Variants in SP100 observed in about 807,000 individuals in gnomAD.
SP100 encodes SP100 nuclear body protein.
SP100 carries 84 observed loss-of-function variants against 130.0 expected under a neutral mutation model. The ratio of observed to expected loss-of-function variants is 0.65; its 90% confidence interval spans 0.54 to 0.77. SP100 has a LOEUF of 0.77. SP100 is among the 30% of genes least tolerant of loss of function. The pLI is 0.00. For missense variants in SP100, 978 were observed against 1,052.2 expected (o/e 0.93, Z 0.97); for synonymous variants, 331 against 351.7 (o/e 0.94, Z 0.66).
Position 230,469,104 on chromosome 2 carries a change from C to T in SP100, c.1345+8C>T. ...TACCCAGCAGGAAGAGACGTAAGAG[C>T]AATTAAAAACTCTTGATGTAACAAA... On this transcript the variant is annotated splice_region_variant and intron_variant, in intron 14 of 28. Transcript: ENST00000340126. The T allele has an allele frequency of 6.4e-7, 1 of 1,558,738 alleles. No homozygotes were observed. Among genetic ancestry groups the T allele is most frequent in the Non-Finnish European group, 8.8e-7 (1 of 1,133,092 alleles).
At chr2:230,517,017 A>G (rs1031363352) in intron 24 of SP100, among the ~76,000 whole-genome samples, 2 of 152,202 alleles carry the variant, frequency 1.3e-5, no homozygotes, top group Non-Finnish European at 1.5e-5. Flanking sequence ...TTATAAATTT[A>G]TATAATTTGG....
chr2:230,465,691 G>A lies in SP100; in HGVS notation c.1142-610G>A, dbSNP rs190600584. ...AATCATCTGTACAACAAACTCCTGT[G>A]ACACACATTTACCCATGTGACAAAC... On this transcript the variant is annotated intron_variant, in intron 11 of 28. Transcript: ENST00000340126. Among the ~76,000 whole-genome samples the A allele has an allele frequency of 2.9e-3, 436 of 152,168 alleles. 8 individuals carry two copies. Among genetic ancestry groups the A allele is most frequent in the Admixed American group, 0.024 (373 of 15,286 alleles).
At chr2:230,493,499 G>A (rs1321253711) in intron 17 of SP100, among the ~76,000 whole-genome samples, 2 of 152,194 alleles carry the variant, frequency 1.3e-5, no homozygotes, top group Admixed American at 6.5e-5. Flanking sequence ...TTACAGGGGT[G>A]AGCCACTGCA....
At chr2:230,475,751 G>A (rs1037908570) in intron 17 of SP100, among the ~76,000 whole-genome samples, 2 of 151,950 alleles carry the variant, frequency 1.3e-5, no homozygotes, top group South Asian at 2.1e-4. Flanking sequence ...GTTTTTCTTC[G>A]TATGTCTAGC....
intron 24 of SP100, among the ~76,000 whole-genome samples, chr2:230,529,557 T>A (rs1691599539): frequency 6.6e-6 from 1 of 152,130 alleles, no homozygotes; most frequent in African/African-American, 2.4e-5. Context: ...TTATTCAACA[T>A]AGTGTTGGAA....
intron 17 of SP100, among the ~76,000 whole-genome samples, chr2:230,490,705 T>A (rs1383932106): frequency 6.6e-6 from 1 of 152,166 alleles, no homozygotes; most frequent in Non-Finnish European, 1.5e-5. Flanking sequence ...TCCCTCAGCA[T>A]TTGCTTGTCT....
At chr2:230,426,526 A>AGTAT (rs2062937981) in intron 2 of SP100, among the ~76,000 whole-genome samples, 1 of 151,532 alleles carries the variant, frequency 6.6e-6, no homozygotes, top group Non-Finnish European at 1.5e-5. Context: ...ATGTCCTTAC[A>AGTAT]TTATATATTC....
chr2:230,441,693 T>C (rs2063474703), intron 2 of SP100, among the ~76,000 whole-genome samples: 1 of 152,158 alleles, frequency 6.6e-6, no homozygotes, highest in Non-Finnish European at 1.5e-5. Flanking sequence ...ATGGAAAAAA[T>C]GACAGCAGTG....
At chr2:230,495,359 G>C (rs754560671) in intron 18 of SP100, among the ~76,000 whole-genome samples, 1 of 151,870 alleles carries the variant, frequency 6.6e-6, no homozygotes, top group Non-Finnish European at 1.5e-5. Context: ...GTCTGGCTCT[G>C]TCACCCAGGC....
intron 23 of SP100, 68 bp downstream of exon 23, chr2:230,508,099 T>G: frequency 6.3e-7 from 1 of 1,587,358 alleles, no homozygotes; most frequent in African/African-American, 1.4e-5. Context: ...CTCTGTGGAC[T>G]TACAGTCTTT....
At position 230,469,751 on chromosome 2, in the gene SP100, T is replaced by G. The variant is rs890558204; in HGVS notation, c.1346-264T>G. Reference sequence around the variant, plus strand: ...GAAACCACCCAATGAAATGGATGATTTATAATAAATACATATTTTTCCCAA... The same window carrying G: ...GAAACCACCCAATGAAATGGATGATGTATAATAAATACATATTTTTCCCAA... On this transcript the variant is annotated intron_variant, in intron 14 of 28. Transcript: ENST00000340126. The G allele has an allele frequency of 7.6e-6, 10 of 1,314,410 alleles. No homozygotes were observed. The African/African-American group carries it at 1.4e-4, about 18-fold the overall frequency. 81.4% of individuals were successfully genotyped at this position (1,314,410 alleles called of 1,614,324 possible). A position where few individuals can be genotyped will look rare whatever the true frequency, so the allele number is the denominator to read the frequency against.
chr2:230,506,221 G>A, intron 21 of SP100, 82 bp from the exon 22 acceptor site: 3 of 1,478,838 alleles, frequency 2.0e-6, no homozygotes, highest in Non-Finnish European at 1.9e-6. Context: ...CCCAAAGTGG[G>A]TGGCCCCAGA....
chr2:230,455,109 C>T (rs1346477513), intron 8 of SP100, among the ~76,000 whole-genome samples: 1 of 152,078 alleles, frequency 6.6e-6, no homozygotes, highest in East Asian at 1.9e-4. Flanking sequence ...GGGTCTTGCT[C>T]TGTCACCCAG....
Position 230,461,342 on chromosome 2 carries a change from C to G in SP100, c.901C>G (p.Pro301Ala), listed in dbSNP as rs755545681. ...ACTGGTGGATATAAAAAAGGAAAAG[C>G]CATTTTCTAATTCAAAAGTTGAGTG... ...VRLVDIKKEK[P>A]FSNSKVECQA... The change falls in exon 9 of 29, where the codon CCA becomes GCA. Residue 301 changes from proline to alanine, a missense_variant. Physicochemically the swap from Pro to Ala is conservative, Grantham distance 27. Transcript: ENST00000340126. 6.2e-7 allele frequency: 1 copy of G among 1,614,050 alleles called. No homozygotes were observed.
chr2:230,457,845 C>G (rs898638445), intron 8 of SP100, among the ~76,000 whole-genome samples: 2 of 152,128 alleles, frequency 1.3e-5, no homozygotes, highest in African/African-American at 4.8e-5. Context: ...CCCCAATTTT[C>G]TAATTATATC....
At chr2:230,511,605 C>T (rs6436944) in intron 24 of SP100, among the ~76,000 whole-genome samples, 128,031 of 152,134 alleles carry the variant, frequency 0.84, 54,229 homozygotes, top group Middle Eastern at 0.92. Context: ...AGGAACAGAC[C>T]GAGCCGAGCT....
At chr2:230,530,409 C>A (rs1051666270) in intron 24 of SP100, among the ~76,000 whole-genome samples, 59 of 152,298 alleles carry the variant, frequency 3.9e-4, no homozygotes, top group African/African-American at 1.3e-3. Flanking sequence ...ACCTTCCTTA[C>A]ACCTTACACA....
intron 2 of SP100, among the ~76,000 whole-genome samples, chr2:230,435,056 G>A (rs577232677): frequency 6.6e-6 from 1 of 152,296 alleles, no homozygotes; most frequent in South Asian, 2.1e-4. Context: ...TCAGTCTGTA[G>A]TATATCTTAA....
At chr2:230,449,907 C>T (rs1018450365) in intron 7 of SP100, among the ~76,000 whole-genome samples, 197 bp downstream of exon 7, 1 of 152,038 alleles carries the variant, frequency 6.6e-6, no homozygotes, top group African/African-American at 2.4e-5. Flanking sequence ...AGGAAGAAAG[C>T]TAGAAGCAAA....
Sources: allele counts gnomAD v4.1 joint callset (sites outside exome capture counted in the v4.1 genomes callset), GRCh38; gene constraint gnomAD v4.1.1; transcripts MANE v1.5; gene names NCBI Gene and HGNC (gene_info 2026-07-23, HGNC 2026-07-21).